ASTN2: variants seen among roughly 807,000 people sequenced by gnomAD.
ASTN2 encodes the protein astrotactin-2.
In ASTN2, 54 loss-of-function variants were observed where a neutral mutation model predicts 139.8. The observed-to-expected ratio is 0.39, with a 90% CI of 0.31 to 0.48. ASTN2 has a LOEUF of 0.48. ASTN2 is among the 20% of genes least tolerant of loss of function. The pLI, the probability that ASTN2 is intolerant of heterozygous loss-of-function variation, is 0.95. For missense variants in ASTN2, 1,565 were observed against 1,725.1 expected, an observed-to-expected ratio of 0.91 and a Z score of 1.64; for synonymous variants, 756 against 719.5, an observed-to-expected ratio of 1.05 and a Z score of -0.81.
At chr9:117,306,506 C>T (rs1194788738) in intron 1 of ASTN2, among the ~76,000 whole-genome samples, 3 of 152,176 alleles carry the variant, frequency 2.0e-5, no homozygotes, top group Non-Finnish European at 4.4e-5. Flanking sequence ...ACGCACTTCC[C>T]TTTCTGAACC....
chr9:116,869,968 A>AGGT (rs1833116086), intron 10 of ASTN2, among the ~76,000 whole-genome samples: 1 of 146,838 alleles, frequency 6.8e-6, no homozygotes, highest in Non-Finnish European at 1.5e-5. Context: ...TTAATTAGCC[A>AGGT]GGTGTAGTGG....
chr9:117,153,971 G>A (rs1333613498), intron 3 of ASTN2, among the ~76,000 whole-genome samples: 2 of 152,096 alleles, frequency 1.3e-5, no homozygotes, highest in Non-Finnish European at 2.9e-5. Flanking sequence ...TGGGAATGGG[G>A]ATGAGGAGAG....
intron 6 of ASTN2, among the ~76,000 whole-genome samples, chr9:117,014,995 C>T (rs1013310549): frequency 6.6e-6 from 1 of 152,016 alleles, no homozygotes; most frequent in Admixed American, 6.6e-5. Context: ...TTACCTCTAT[C>T]TTATTTCTTT....
intron 13 of ASTN2, among the ~76,000 whole-genome samples, chr9:116,789,920 C>CTTTTTTTTTTTTT (rs57433960): frequency 3.2e-5 from 3 of 93,336 alleles, no homozygotes; most frequent in African/African-American, 8.4e-5. Flanking sequence ...TTCTCTTTCT[C>CTTTTTTTTTTTTT]TTTTTTTTTT....
intron 3 of ASTN2, among the ~76,000 whole-genome samples, chr9:117,187,483 A>C (rs1242730656): frequency 2.6e-5 from 4 of 152,212 alleles, no homozygotes; most frequent in African/African-American, 9.6e-5. Context: ...GGGGCCTTTG[A>C]GAAGTGATTG....
intron 10 of ASTN2, among the ~76,000 whole-genome samples, chr9:116,943,107 C>T (rs924999711): frequency 4.6e-5 from 7 of 151,956 alleles, no homozygotes; most frequent in Non-Finnish European, 8.8e-5. Flanking sequence ...AGTTATAGAC[C>T]GGGGATAAAA....
At chr9:116,788,003 T>C (rs1282302789) in intron 13 of ASTN2, among the ~76,000 whole-genome samples, 1 of 152,154 alleles carries the variant, frequency 6.6e-6, no homozygotes, top group Admixed American at 6.6e-5. Context: ...AATAAAAAAA[T>C]ATATTTTTAA....
chr9:116,686,601 G>T (rs1369640027), intron 16 of ASTN2: 3 of 1,279,824 alleles, frequency 2.3e-6, no homozygotes, highest in South Asian at 1.3e-5. Flanking sequence ...TAGTGCCCCA[G>T]ATTCCCTCAA....
chr9:117,041,433 C>T (rs1189648793), intron 5 of ASTN2, among the ~76,000 whole-genome samples: 1 of 152,130 alleles, frequency 6.6e-6, no homozygotes, highest in Non-Finnish European at 1.5e-5. Context: ...AAAGCACTGC[C>T]ATTTAGACTG....
At chr9:117,304,676 G>A (rs1232824729) in intron 1 of ASTN2, among the ~76,000 whole-genome samples, 2 of 152,148 alleles carry the variant, frequency 1.3e-5, no homozygotes, top group Admixed American at 6.5e-5. Flanking sequence ...TGTTCGGTGT[G>A]TTCACAGCAG....
At chr9:117,062,854 A>G (rs538510785) in intron 5 of ASTN2, among the ~76,000 whole-genome samples, 180 of 152,364 alleles carry the variant, frequency 1.2e-3, no homozygotes, top group African/African-American at 4.1e-3. Context: ...AGGCTTGTAG[A>G]TAAGACTAGA....
intron 19 of ASTN2, among the ~76,000 whole-genome samples, chr9:116,553,985 A>C (rs1015064786): frequency 1.3e-5 from 2 of 152,244 alleles, no homozygotes; most frequent in African/African-American, 4.8e-5. Flanking sequence ...TGAATGTATG[A>C]ATAAATGAAT....
intron 2 of ASTN2, among the ~76,000 whole-genome samples, chr9:117,223,784 G>A (rs934443601): frequency 1.3e-5 from 2 of 152,162 alleles, no homozygotes; most frequent in African/African-American, 2.4e-5. Context: ...TACATCTATA[G>A]TTAGCTATAT....
At chr9:116,956,915 A>T (rs936412375) in intron 10 of ASTN2, among the ~76,000 whole-genome samples, 1 of 152,200 alleles carries the variant, frequency 6.6e-6, no homozygotes, top group South Asian at 2.1e-4. Context: ...CTACAAAACA[A>T]TGTTGAAAGA....
intron 19 of ASTN2, among the ~76,000 whole-genome samples, chr9:116,598,327 G>A (rs1413680305): frequency 2.0e-5 from 3 of 152,170 alleles, no homozygotes; most frequent in African/African-American, 4.8e-5. Flanking sequence ...AAAATACTGG[G>A]CTGAAACCCA....
At chr9:116,946,117 C>T (rs12552074) in intron 10 of ASTN2, among the ~76,000 whole-genome samples, 66,966 of 151,918 alleles carry the variant, frequency 0.44, 15,883 homozygotes, top group Non-Finnish European at 0.54. Context: ...AGTACACACT[C>T]ATGATTCAGT....
intron 5 of ASTN2, among the ~76,000 whole-genome samples, chr9:117,055,571 C>G (rs1371225385): frequency 1.3e-5 from 2 of 152,160 alleles, no homozygotes; most frequent in Admixed American, 1.3e-4. Flanking sequence ...AGAAAGAAAT[C>G]TCGTTGAGCA....
chr9:116,983,720 G>C (rs1309450873), intron 7 of ASTN2, among the ~76,000 whole-genome samples: 1 of 152,186 alleles, frequency 6.6e-6, no homozygotes, highest in Non-Finnish European at 1.5e-5. Context: ...GGGATGATGA[G>C]AGCCAGGACT....
At chr9:116,831,077 T>TC in intron 11 of ASTN2, among the ~76,000 whole-genome samples, 1 of 152,096 alleles carries the variant, frequency 6.6e-6, no homozygotes, top group East Asian at 1.9e-4. Flanking sequence ...TTATCATAAG[T>TC]TAAATAACTC....
Sources: allele counts gnomAD v4.1 joint callset (sites outside exome capture counted in the v4.1 genomes callset), GRCh38; gene constraint gnomAD v4.1.1; transcripts MANE v1.5; gene names NCBI Gene and HGNC (gene_info 2026-07-23, HGNC 2026-07-21).